Variants in THAP9 observed in about 807,000 individuals in gnomAD.
THAP9 encodes the protein THAP domain containing 9.
Under a neutral mutation model 35.7 loss-of-function variants are expected in THAP9, and 20 were observed. That is an observed-to-expected ratio of 0.56 (90% CI 0.39 to 0.81). THAP9 has a LOEUF of 0.81. Ranked by LOEUF, THAP9 falls within the 40% of genes least tolerant of loss-of-function variation. The pLI, the probability that THAP9 is intolerant of heterozygous loss-of-function variation, is 0.00. For synonymous variants in THAP9, 335 were observed against 373.7 expected (o/e 0.90, Z 1.19); for missense variants, 870 against 1,047.4 (o/e 0.83, Z 2.34).
chr4:82,910,584 G>A (rs567345928), intron 4 of THAP9: 5 of 297,626 alleles, frequency 1.7e-5, no homozygotes, highest in East Asian at 1.0e-4. Context: ...TGGTATATAC[G>A]TTTCCATTTA....
intron 2 of THAP9, 82 bp downstream of exon 2, chr4:82,905,013 ATTTGC>A: frequency 1.5e-6 from 2 of 1,363,478 alleles, no homozygotes; most frequent in Non-Finnish European, 2.0e-6. Flanking sequence ...TATAGCTAGA[ATTTGC>A]AGACAAAAAA....
rs1721067070 is a variant in THAP9 at position 82,917,304 on chromosome 4, A to G, written c.1092A>G (p.Ile364Met). Reference sequence around the variant, plus strand: ...TGACTATTGGTAAACTGAGTGACATAGGAATCACAGTTCTGGCTGTTACAT... The same window carrying G: ...TGACTATTGGTAAACTGAGTGACATGGGAATCACAGTTCTGGCTGTTACAT... The part of the protein sequence containing the change: ...LRLTIGKLSD[I>M]GITVLAVTSD... The change falls in exon 5 of 5, where the codon ATA becomes ATG. Residue 364 changes from isoleucine (I) to methionine (M), a missense_variant. Around this residue, in one of 3 missense-constraint regions of THAP9, gnomAD observed 440 missense variants for 501.2 expected, o/e 0.88. Transcript: ENST00000302236. The G allele has an allele frequency of 1.2e-6, 2 of 1,613,950 alleles. No homozygotes were observed. Among genetic ancestry groups the G allele is most frequent in the Admixed American group, 1.7e-5 (1 of 60,004 alleles).
At chr4:82,915,589 C>T (rs1721010459) in intron 4 of THAP9, among the ~76,000 whole-genome samples, 1 of 151,960 alleles carries the variant, frequency 6.6e-6, no homozygotes, top group Non-Finnish European at 1.5e-5. Context: ...ATTAATGCAT[C>T]ATGAAATTAG....
intron 4 of THAP9, among the ~76,000 whole-genome samples, chr4:82,912,342 A>G (rs1720892923): frequency 6.6e-6 from 1 of 152,220 alleles, no homozygotes; most frequent in South Asian, 2.1e-4. Context: ...GCAGTTTAGT[A>G]AACCAACTCC....
In THAP9 at chr4:82,904,856, A is replaced by G. The variant is rs759662799; in HGVS notation, c.201A>G (p.Gln67=). The G allele has an allele frequency of 9.3e-6, 15 of 1,613,992 alleles. No individual in the cohort carries two copies. Among genetic ancestry groups the G allele is most frequent in the Non-Finnish European group, 1.3e-5 (15 of 1,180,012 alleles). Residue 67 remains glutamine, a synonymous_variant, in exon 2 of 5, where the codon CAA becomes CAG. Coordinates refer to ENST00000302236, the MANE Select transcript of THAP9 (RefSeq NM_024672.6). ...PGAILCSKHF[Q]ESDFESYGIR... ...CTATACTGTGTTCCAAACATTTTCA[A>G]GAAAGTGACTTTGAGTCATATGGCA... is the stretch of plus-strand genomic sequence containing the variant.
intron 1 of THAP9, among the ~76,000 whole-genome samples, chr4:82,902,523 T>A (rs1720467789): frequency 1.3e-5 from 2 of 152,212 alleles, no homozygotes; most frequent in Admixed American, 1.3e-4. Flanking sequence ...GGCATACCTG[T>A]TGGGAAGCTT....
At position 82,916,960 on chromosome 4, in the gene THAP9, C is replaced by G. The variant is rs1179693218; in HGVS notation, c.748C>G (p.Gln250Glu). The G allele has an allele frequency of 1.3e-6, 2 of 1,523,732 alleles. No homozygotes were observed. The highest frequency in any genetic ancestry group is 1.8e-6 in the Non-Finnish European group (2 of 1,138,826). 94.4% of individuals were successfully genotyped at this position (1,523,732 alleles called of 1,614,324 possible). A position where few individuals can be genotyped will look rare whatever the true frequency, so the allele number is the denominator to read the frequency against. ...GTATTCTAGGTGGTTATCCAAATGC[C>G]AACCCAGTCCAGGTTTCAACAGCAA... is the stretch of plus-strand genomic sequence containing the variant. Reference protein sequence around the residue: ...SILRTWLSKCQPSPGFNSNIF... With the variant: ...SILRTWLSKCEPSPGFNSNIF... Residue 250 changes from glutamine (Q) to glutamate (E), a missense_variant, in exon 5 of 5, where the codon CAA (glutamine) becomes GAA (glutamate). Gln to Glu is a conservative substitution (Grantham distance 29). Around this residue, in one of 3 missense-constraint regions of THAP9, gnomAD observed 440 missense variants for 501.2 expected, o/e 0.88. Transcript: ENST00000302236.
chr4:82,901,575 G>A (rs1007904137), intron 1 of THAP9, among the ~76,000 whole-genome samples: 5 of 152,118 alleles, frequency 3.3e-5, no homozygotes, highest in Admixed American at 3.3e-4. Flanking sequence ...AGTTAGGAAT[G>A]GCATGGGAAA....
At chr4:82,916,849 C>A in intron 4 of THAP9, 95 bp from the exon 5 acceptor site, 2 of 1,083,312 alleles carry the variant, frequency 1.8e-6, no homozygotes, top group Non-Finnish European at 2.5e-6. Flanking sequence ...TTTATTTCTA[C>A]AGGGATGGGA....
At chr4:82,914,784 T>G (rs1720985073) in intron 4 of THAP9, among the ~76,000 whole-genome samples, 1 of 152,210 alleles carries the variant, frequency 6.6e-6, no homozygotes. Flanking sequence ...TGTTGACATT[T>G]TCTTTTGCTG....
chr4:82,902,600 G>A (rs1463716116), intron 1 of THAP9, among the ~76,000 whole-genome samples: 1 of 152,158 alleles, frequency 6.6e-6, no homozygotes, highest in Non-Finnish European at 1.5e-5. Flanking sequence ...TTCCTTGCAC[G>A]TTTAGAGACT....
chr4:82,913,601 A>T (rs973540829), intron 4 of THAP9, among the ~76,000 whole-genome samples: 5 of 151,844 alleles, frequency 3.3e-5, no homozygotes, highest in Admixed American at 1.3e-4. Flanking sequence ...TCAGGGGTAC[A>T]TGTGAAGGTT....
intron 4 of THAP9, among the ~76,000 whole-genome samples, chr4:82,914,099 TGTTA>T (rs970980287): frequency 1.5e-4 from 23 of 152,338 alleles, no homozygotes; most frequent in African/African-American, 5.3e-4. Flanking sequence ...TTTCTGTTCC[TGTTA>T]GTTTGCTGAG....
intron 4 of THAP9, among the ~76,000 whole-genome samples, chr4:82,911,294 A>T (rs1309755150): frequency 1.7e-5 from 2 of 116,538 alleles, no homozygotes; most frequent in Non-Finnish European, 4.3e-5. Flanking sequence ...TTTGTCTTTT[A>T]AAAAGATGGG....
At chr4:82,904,990 A>C in intron 2 of THAP9, 59 bp downstream of exon 2, 1 of 1,524,076 alleles carries the variant, frequency 6.6e-7, no homozygotes, top group East Asian at 2.3e-5. Flanking sequence ...TTAAAAATCA[A>C]GATAGCCCCC....
chr4:82,914,940 T>C (rs1720989608), intron 4 of THAP9, among the ~76,000 whole-genome samples: 1 of 152,216 alleles, frequency 6.6e-6, no homozygotes. Flanking sequence ...TTTTATAGTT[T>C]TGAGTTTTAC....
At chr4:82,904,698 G>A (rs761177381) in intron 1 of THAP9, 38 bp from the exon 2 acceptor site, 10 of 1,590,372 alleles carry the variant, frequency 6.3e-6, no homozygotes, top group Middle Eastern at 1.7e-4. Context: ...GTACTATAAT[G>A]TTTTCATGTT....
At position 82,918,004 on chromosome 4, in the gene THAP9, C is replaced by T. The variant is rs760580710; in HGVS notation, c.1792C>T (p.Pro598Ser). ...AAATTATGTTTTCCCAAAGGTCATG[C>T]CTTTTCCTTATCTTCTGACTTACAA... Reference protein sequence around the residue: ...YQNYVFPKVMPFPYLLTYKFS... With the variant: ...YQNYVFPKVMSFPYLLTYKFS... The change falls in exon 5 of 5, where the codon CCT (proline) becomes TCT (serine). Residue 598 changes from proline (P) to serine (S), a missense_variant. Pro to Ser is a moderately conservative substitution (Grantham distance 74). This residue lies in a region of THAP9 where 414 missense variants were observed against 500.8 expected (regional missense o/e 0.83). Coordinates refer to ENST00000302236, the MANE Select transcript of THAP9 (RefSeq NM_024672.6). 9 of 1,613,836 alleles carry T rather than the reference C, an allele frequency of 5.6e-6. No homozygotes were observed. The highest frequency in any genetic ancestry group is 1.3e-5 in the African/African-American group (1 of 74,926).
intron 4 of THAP9, 128 bp downstream of exon 4, chr4:82,908,063 A>T: frequency 2.1e-6 from 2 of 942,626 alleles, no homozygotes; most frequent in South Asian, 1.8e-5. Context: ...TATTAAGGCT[A>T]TTAGTACTCA....
Sources: allele counts gnomAD v4.1 joint callset (sites outside exome capture counted in the v4.1 genomes callset), GRCh38; gene constraint gnomAD v4.1.1; regional missense constraint gnomAD v4.1.1; transcripts MANE v1.5; gene names NCBI Gene and HGNC (gene_info 2026-07-23, HGNC 2026-07-21).